The following GPAM variants were observed in gnomAD, a reference collection of about 807,000 sequenced individuals.
GPAM encodes the protein glycerol-3-phosphate acyltransferase 1, mitochondrial.
Under a neutral mutation model 105.0 loss-of-function variants are expected in GPAM, and 56 were observed. That is an observed-to-expected ratio of 0.53 (90% confidence interval 0.43 to 0.67). The LOEUF (loss-of-function observed/expected upper bound fraction) is 0.67. Ranked by LOEUF, GPAM falls within the 30% of genes least tolerant of loss-of-function variation. The pLI, the probability that GPAM is intolerant of heterozygous loss-of-function variation, is 0.00. For synonymous variants in GPAM, 368 were observed against 354.4 expected, an observed-to-expected ratio of 1.04 and a Z score of -0.43; for missense variants, 855 against 989.8, an observed-to-expected ratio of 0.86 and a Z score of 1.83.
At chr10:112,184,085 G>T (rs1050152018), upstream of GPAM, among the ~76,000 whole-genome samples, 3 of 152,166 alleles carry the variant, frequency 2.0e-5, no homozygotes, top group African/African-American at 7.2e-5. Context: ...TATGTGTGTG[G>T]TCTGACTTTT....
chr10:112,161,248 T>G (rs1366865410), intron 15 of GPAM, among the ~76,000 whole-genome samples: 1 of 152,208 alleles, frequency 6.6e-6, no homozygotes, highest in Non-Finnish European at 1.5e-5. Context: ...CACTGTTTGG[T>G]GTTGAGAATA....
intron 1 of GPAM, among the ~76,000 whole-genome samples, chr10:112,183,371 A>G (rs894828942): frequency 1.3e-5 from 2 of 152,196 alleles, no homozygotes; most frequent in South Asian, 2.1e-4. Context: ...TACTGCCTCA[A>G]TGTTCCCTAG....
At chr10:112,196,528 G>C (rs1027043046) in intron 1 of GPAM, among the ~76,000 whole-genome samples, 1 of 152,048 alleles carries the variant, frequency 6.6e-6, no homozygotes, top group African/African-American at 2.4e-5. Flanking sequence ...AAAAGAAAAG[G>C]CCTCCAAAGT....
intron 19 of GPAM, 69 bp downstream of exon 19, chr10:112,157,180 G>A: frequency 7.4e-7 from 1 of 1,351,474 alleles, no homozygotes. Flanking sequence ...CAGGACTCCA[G>A]CTGATCTCAC....
chr10:112,151,839 T>A lies in GPAM; in HGVS notation c.*1711A>T. 1 of 985,236 alleles carries A rather than the reference T, an allele frequency of 1.0e-6. No individual in the cohort carries two copies. The highest frequency in any genetic ancestry group is 1.2e-6 in the Non-Finnish European group (1 of 829,742). 61.0% of individuals were successfully genotyped at this position (985,236 alleles called of 1,614,324 possible). A position where few individuals can be genotyped will look rare whatever the true frequency, so the allele number is the denominator to read the frequency against. Reference sequence around the variant, plus strand: ...AATGTAGCCAAGAAAAGTGTTCTTCTACCCTAGTCAGTAAAATGGAATGCT... The same window carrying A: ...AATGTAGCCAAGAAAAGTGTTCTTCAACCCTAGTCAGTAAAATGGAATGCT... On this transcript the variant is annotated 3_prime_UTR_variant, in exon 22 of 22. Transcript: ENST00000348367.
At chr10:112,154,714 A>G (rs201875657) in intron 20 of GPAM, 27 bp from the exon 21 acceptor site, 2 of 1,504,834 alleles carry the variant, frequency 1.3e-6, no homozygotes, top group East Asian at 2.3e-5. Flanking sequence ...AAACCCTGTC[A>G]AATGGTTACG....
chr10:112,174,727 A>G (rs1275244760), intron 6 of GPAM, among the ~76,000 whole-genome samples: 1 of 152,204 alleles, frequency 6.6e-6, no homozygotes, highest in Non-Finnish European at 1.5e-5. Context: ...ATGCCCCCCA[A>G]GTCTATTCCC....
chr10:112,193,079 G>A (rs544016806), intron 1 of GPAM, among the ~76,000 whole-genome samples: 7 of 152,272 alleles, frequency 4.6e-5, no homozygotes, highest in East Asian at 3.9e-4. Flanking sequence ...TCAGAAAAAC[G>A]AACCCCTTCC....
chr10:112,173,899 T>C, intron 6 of GPAM, 54 bp from the exon 7 acceptor site: 2 of 1,407,236 alleles, frequency 1.4e-6, no homozygotes, highest in South Asian at 1.2e-5. Context: ...CTACATTCTG[T>C]ATTCAGTATT....
intron 1 of GPAM, among the ~76,000 whole-genome samples, chr10:112,213,258 A>G (rs765179738): frequency 1.3e-5 from 2 of 152,194 alleles, no homozygotes; most frequent in Non-Finnish European, 2.9e-5. Context: ...AAAAAAAAGC[A>G]TGGGCTCTGA....
At chr10:112,212,464 C>T (rs1269724785) in intron 1 of GPAM, among the ~76,000 whole-genome samples, 1 of 152,076 alleles carries the variant, frequency 6.6e-6, no homozygotes, top group Non-Finnish European at 1.5e-5. Flanking sequence ...GGGATTTCAC[C>T]ATGTTAGCCA....
intron 13 of GPAM, 61 bp from the exon 14 acceptor site, chr10:112,163,877 A>C: frequency 1.3e-6 from 1 of 790,334 alleles, no homozygotes; most frequent in South Asian, 1.4e-5. Context: ...AACCATGTGG[A>C]ACTGATCTTT....
rs936150470 is a variant in GPAM at position 112,176,657 on chromosome 10, C to G, written c.300-944G>C. Among the ~76,000 whole-genome samples, 23 of 152,184 alleles carry G rather than the reference C, an allele frequency of 1.5e-4. No individual in the cohort carries two copies. In the South Asian group the frequency reaches 4.8e-3, roughly 32 times the overall value. On this transcript the variant is annotated intron_variant, in intron 5 of 21. Transcript: ENST00000348367. ...TATTAAATGTTAATCCTAAACTCCT[C>G]CTTCAGTCAACATTTTCAGAAATAT...
chr10:112,185,563 CACACACAG>C (rs1335966103), upstream of GPAM, among the ~76,000 whole-genome samples: 1 of 105,462 alleles, frequency 9.5e-6, no homozygotes, highest in Non-Finnish European at 1.8e-5. Context: ...CCCTAACACA[CACACACAG>C]ACACACACAC....
chr10:112,150,537 T>C lies in GPAM; in HGVS notation c.*3013A>G, dbSNP rs1564807168. ...ATTCTGCCCCAGTGCTATCTGTTCA[T>C]TACCGTTTTGTCTCCTTAAAGAACT... On this transcript the variant is annotated 3_prime_UTR_variant, in exon 22 of 22. Coordinates refer to ENST00000348367, the MANE Select transcript of GPAM (RefSeq NM_001244949.2). 1 of 985,584 alleles carries C rather than the reference T, an allele frequency of 1.0e-6. No homozygotes were observed. The highest frequency in any genetic ancestry group is 1.2e-6 in the Non-Finnish European group (1 of 829,800). The allele number at this position is 985,584 out of a possible 1,614,324, so 61.1% of individuals were successfully genotyped here.
At chr10:112,159,387 A>AT (rs1040508409) in intron 17 of GPAM, among the ~76,000 whole-genome samples, 3 of 150,206 alleles carry the variant, frequency 2.0e-5, no homozygotes, top group Non-Finnish European at 3.0e-5. Context: ...CACCTGGCTA[A>AT]TTTTTTTTTG....
chr10:112,169,541 C>A (rs1225132223), intron 9 of GPAM, among the ~76,000 whole-genome samples: 1 of 152,206 alleles, frequency 6.6e-6, no homozygotes, highest in Non-Finnish European at 1.5e-5. Flanking sequence ...CTTTTCCTAA[C>A]CCTATGTCTC....
intron 21 of GPAM, chr10:112,153,981 C>T (rs2133221905): frequency 3.1e-6 from 1 of 317,960 alleles, no homozygotes; most frequent in East Asian, 7.9e-5. Context: ...AACAGTCCCT[C>T]ACAAAAGGCC....
At chr10:112,166,029 T>C (rs565178291) in intron 12 of GPAM, among the ~76,000 whole-genome samples, 1 of 152,322 alleles carries the variant, frequency 6.6e-6, no homozygotes. Flanking sequence ...ATTACAATTC[T>C]TCTCTTTTAG....
Sources: gnomAD v4.1 joint callset for allele counts (sites outside exome capture counted in the v4.1 genomes callset) on GRCh38, gnomAD v4.1.1 for gene constraint, MANE v1.5 for transcripts, NCBI Gene and HGNC (gene_info 2026-07-23, HGNC 2026-07-21) for gene names.